The following PCDHA10 variants were observed in gnomAD, a reference collection of about 807,000 sequenced individuals.
PCDHA10 encodes protocadherin alpha 10.
A neutral mutation model predicts 61.2 loss-of-function variants in PCDHA10; 45 were observed. That is an observed-to-expected ratio of 0.74 (90% confidence interval 0.58 to 0.94). PCDHA10 has a LOEUF of 0.94. Among genes scored for constraint, PCDHA10 ranks in the 40% least tolerant of loss-of-function variants. The probability of loss-of-function intolerance (pLI) is 0.00; values close to 1 mark genes in which losing one functional copy is unlikely to be tolerated. For missense variants in PCDHA10, 1,278 were observed against 1,236.2 expected, an observed-to-expected ratio of 1.03 and a Z score of -0.51; for synonymous variants, 602 against 548.8, an observed-to-expected ratio of 1.10 and a Z score of -1.35.
At chr5:140,977,865 G>C (rs2096778412) in intron 1 of PCDHA10, among the ~76,000 whole-genome samples, 4 of 152,172 alleles carry the variant, frequency 2.6e-5, no homozygotes, top group Non-Finnish European at 5.9e-5. Flanking sequence ...ACCAAATATG[G>C]TAAGTATAAT....
At chr5:140,979,937 A>G (rs563499415) in intron 2 of PCDHA10, among the ~76,000 whole-genome samples, 1 of 152,388 alleles carries the variant, frequency 6.6e-6, no homozygotes, top group African/African-American at 2.4e-5. Context: ...GTATGTGTAG[A>G]GTTAATGTGA....
chr5:140,862,365 G>A (rs569361686), intron 1 of PCDHA10: 7 of 337,896 alleles, frequency 2.1e-5, no homozygotes, highest in African/African-American at 1.3e-4. Context: ...CAGACGACCC[G>A]CACCCTGACT....
At chr5:140,919,217 G>T (rs1427737864) in intron 1 of PCDHA10, among the ~76,000 whole-genome samples, 1 of 152,090 alleles carries the variant, frequency 6.6e-6, no homozygotes, top group Non-Finnish European at 1.5e-5. Context: ...TGTCCTTCTT[G>T]ATTTCTAGTA....
intron 3 of PCDHA10, among the ~76,000 whole-genome samples, chr5:141,005,572 C>T (rs548748234): frequency 4.6e-5 from 7 of 151,094 alleles, no homozygotes; most frequent in East Asian, 1.9e-4. Context: ...CATGGTGGCG[C>T]GTGCCTGTAG....
At position 140,877,186 on chromosome 5, in the gene PCDHA10, A is replaced by C; in HGVS notation, c.2388+18750A>C. On this transcript the variant is annotated intron_variant, in intron 1 of 3. Coordinates refer to ENST00000307360, the MANE Select transcript of PCDHA10 (RefSeq NM_018901.4). The stretch of plus-strand genomic sequence containing the variant: ...GGCACTGCTGGCGACTCCGGCTGGC[A>C]GCGCAGGAGGCGCAGTTAGCGAGTT... 1 of 1,613,832 alleles carries C rather than the reference A, an allele frequency of 6.2e-7. No homozygotes were observed. Among genetic ancestry groups the C allele is most frequent in the Non-Finnish European group, 8.5e-7 (1 of 1,179,822 alleles).
At chr5:140,909,353 T>C (rs2074452823) in intron 1 of PCDHA10, among the ~76,000 whole-genome samples, 1 of 152,156 alleles carries the variant, frequency 6.6e-6, no homozygotes, top group Non-Finnish European at 1.5e-5. Flanking sequence ...CCAAGAGATG[T>C]GTTAATTTGT....
chr5:140,884,839 G>A lies in PCDHA10; in HGVS notation c.2388+26403G>A, dbSNP rs180730260. Reference sequence around the variant, plus strand: ...ACATTATGTGTTGGATTATCCTTCAGAGTGAAATCTTAACTCACAAACCAT... The same window carrying A: ...ACATTATGTGTTGGATTATCCTTCAAAGTGAAATCTTAACTCACAAACCAT... On this transcript the variant is annotated intron_variant, in intron 1 of 3. Coordinates refer to ENST00000307360, the MANE Select transcript of PCDHA10 (RefSeq NM_018901.4). 2.5e-3 allele frequency: 2,207 copies of A among 893,274 alleles called. 7 individuals are homozygous for A. Among genetic ancestry groups the A allele is most frequent in the Middle Eastern group, 9.3e-3 (26 of 2,802 alleles). 55.3% of individuals were successfully genotyped at this position (893,274 alleles called of 1,614,324 possible). A position where few individuals can be genotyped will look rare whatever the true frequency, so the allele number is the denominator to read the frequency against.
At chr5:140,943,624 G>C (rs2093534515) in intron 1 of PCDHA10, among the ~76,000 whole-genome samples, 2 of 152,106 alleles carry the variant, frequency 1.3e-5, no homozygotes, top group African/African-American at 4.8e-5. Context: ...ATCTGCATAA[G>C]GAAGCTGGAT....
intron 1 of PCDHA10, among the ~76,000 whole-genome samples, chr5:140,973,915 A>T (rs1401328396): frequency 2.0e-5 from 3 of 152,242 alleles, no homozygotes; most frequent in African/African-American, 7.2e-5. Context: ...CATTCCTGTC[A>T]CCAAACCCAG....
intron 1 of PCDHA10, among the ~76,000 whole-genome samples, chr5:140,960,030 C>T (rs75063622): frequency 0.012 from 1,781 of 152,150 alleles, 34 homozygotes; most frequent in African/African-American, 0.039. Flanking sequence ...TTGTTAAGTC[C>T]GGCTGTTTAT....
chr5:140,859,656 C>A (rs2045955130), intron 1 of PCDHA10: 1 of 155,362 alleles, frequency 6.4e-6, no homozygotes, highest in Admixed American at 6.4e-5. Context: ...TCAGTACGTG[C>A]TTCACAAATA....
At chr5:140,884,543 T>A (rs1582792528) in intron 1 of PCDHA10, 1 of 1,614,034 alleles carries the variant, frequency 6.2e-7, no homozygotes, top group Non-Finnish European at 8.5e-7. Flanking sequence ...GCCGAGGGTG[T>A]GCTCTGGGGA....
chr5:140,869,210 C>T (rs781978731), intron 1 of PCDHA10: 2 of 1,613,814 alleles, frequency 1.2e-6, no homozygotes, highest in African/African-American at 2.7e-5. Context: ...TACTCCGTCT[C>T]GGAGGAGGCC....
chr5:140,908,967 G>C (rs1039870615), intron 1 of PCDHA10, among the ~76,000 whole-genome samples: 4 of 152,076 alleles, frequency 2.6e-5, no homozygotes, highest in Non-Finnish European at 5.9e-5. Context: ...ATCTTGATAG[G>C]CCCCACTCCA....
At chr5:140,877,189 G>A in intron 1 of PCDHA10, 1 of 1,613,808 alleles carries the variant, frequency 6.2e-7, no homozygotes, top group Non-Finnish European at 8.5e-7. Flanking sequence ...GGCTGGCAGC[G>A]CAGGAGGCGC....
chr5:140,887,018 G>C (rs965813784), intron 1 of PCDHA10, among the ~76,000 whole-genome samples: 70 of 151,906 alleles, frequency 4.6e-4, no homozygotes, highest in African/African-American at 1.6e-3. Context: ...CCTACTGCCT[G>C]AAAAATTTCT....
At chr5:140,985,062 T>C (rs2097134097) in intron 3 of PCDHA10, among the ~76,000 whole-genome samples, 1 of 152,058 alleles carries the variant, frequency 6.6e-6, no homozygotes, top group African/African-American at 2.4e-5. Flanking sequence ...CTCAGCCTCC[T>C]GAGTAGCTGA....
intron 1 of PCDHA10, among the ~76,000 whole-genome samples, chr5:140,959,643 G>A (rs246006): frequency 0.56 from 85,684 of 152,026 alleles, 24,754 homozygotes; most frequent in African/African-American, 0.69. Flanking sequence ...AAAAAACACA[G>A]AAGCAAAATT....
chr5:140,966,050 C>T (rs1554228018), intron 1 of PCDHA10, among the ~76,000 whole-genome samples: 3 of 152,206 alleles, frequency 2.0e-5, no homozygotes, highest in African/African-American at 7.2e-5. Context: ...TCGCCAGTAA[C>T]CCCAGAGCGC....
Sources: allele counts gnomAD v4.1 joint callset (sites outside exome capture counted in the v4.1 genomes callset), GRCh38; gene constraint gnomAD v4.1.1; transcripts MANE v1.5; gene names NCBI Gene and HGNC (gene_info 2026-07-23, HGNC 2026-07-21).